PTPRD: variants seen among roughly 807,000 people sequenced by gnomAD.
PTPRD encodes receptor-type tyrosine-protein phosphatase delta.
A neutral mutation model predicts 214.5 loss-of-function variants in PTPRD; 34 were observed. The observed-to-expected ratio is 0.16, with a 90% CI of 0.12 to 0.21. PTPRD has a LOEUF of 0.21. Ranked by LOEUF, PTPRD falls within the 10% of genes least tolerant of loss-of-function variation. The probability of loss-of-function intolerance (pLI) is 1.00; values close to 1 mark genes in which losing one functional copy is unlikely to be tolerated. For missense variants in PTPRD, 2,545 were observed against 2,398.7 expected, an observed-to-expected ratio of 1.06 and a Z score of -1.27; for synonymous variants, 1,128 against 845.7, an observed-to-expected ratio of 1.33 and a Z score of -5.79.
chr9:10,126,607 T>C (rs556113505), intron 3 of PTPRD, among the ~76,000 whole-genome samples: 1 of 152,278 alleles, frequency 6.6e-6, no homozygotes, highest in East Asian at 1.9e-4. Context: ...CCTTTACAGG[T>C]TTCTCATCAC....
intron 4 of PTPRD, among the ~76,000 whole-genome samples, chr9:10,027,948 A>G (rs993239151): frequency 2.0e-5 from 3 of 151,936 alleles, no homozygotes; most frequent in Non-Finnish European, 2.9e-5. Flanking sequence ...AGTATATTGG[A>G]TTAAGTTTTT....
intron 10 of PTPRD, among the ~76,000 whole-genome samples, chr9:9,057,359 A>G (rs2099698233): frequency 1.3e-5 from 2 of 152,158 alleles, no homozygotes; most frequent in South Asian, 4.1e-4. Flanking sequence ...ATCCAATTCA[A>G]TGCCCTCAAG....
intron 4 of PTPRD, among the ~76,000 whole-genome samples, chr9:10,032,142 C>A (rs1317927868): frequency 2.0e-5 from 3 of 152,112 alleles, no homozygotes; most frequent in African/African-American, 7.2e-5. Context: ...AGGAAGTTAT[C>A]TGATACACTG....
intron 4 of PTPRD, among the ~76,000 whole-genome samples, chr9:10,006,702 G>A (rs2096484521): frequency 6.6e-6 from 1 of 151,806 alleles, no homozygotes; most frequent in Admixed American, 6.6e-5. Context: ...TGATTAGGTA[G>A]GATTTCTTCT....
At chr9:10,392,222 T>G (rs777738565) in intron 2 of PTPRD, among the ~76,000 whole-genome samples, 1 of 151,986 alleles carries the variant, frequency 6.6e-6, no homozygotes, top group Non-Finnish European at 1.5e-5. Flanking sequence ...TAATCATGCA[T>G]AATGTATGTA....
At chr9:9,280,737 T>C (rs1352797766) in intron 9 of PTPRD, among the ~76,000 whole-genome samples, 2 of 151,322 alleles carry the variant, frequency 1.3e-5, no homozygotes, top group Non-Finnish European at 3.0e-5. Flanking sequence ...ACAATCCTAA[T>C]AAAAATCTCA....
chr9:9,525,944 T>C (rs1004149627), intron 8 of PTPRD, among the ~76,000 whole-genome samples: 5 of 152,158 alleles, frequency 3.3e-5, no homozygotes, highest in African/African-American at 1.2e-4. Flanking sequence ...GAAATCCTCA[T>C]ATGTTCCTTT....
intron 11 of PTPRD, among the ~76,000 whole-genome samples, chr9:8,806,654 T>C (rs1164956936): frequency 6.6e-6 from 1 of 152,244 alleles, no homozygotes; most frequent in Non-Finnish European, 1.5e-5. Flanking sequence ...TTTAATTTCA[T>C]ACCTTGGCTG....
At chr9:8,890,919 G>A (rs999394460) in intron 11 of PTPRD, among the ~76,000 whole-genome samples, 3 of 152,142 alleles carry the variant, frequency 2.0e-5, no homozygotes, top group Non-Finnish European at 4.4e-5. Context: ...GGGCAAAAGA[G>A]GCCTTTTCAG....
intron 10 of PTPRD, among the ~76,000 whole-genome samples, chr9:9,082,173 G>C (rs988866534): frequency 6.6e-6 from 1 of 151,762 alleles, no homozygotes; most frequent in Admixed American, 6.6e-5. Context: ...GAAAATTTCA[G>C]GCCACCCCAA....
intron 10 of PTPRD, among the ~76,000 whole-genome samples, chr9:9,055,903 T>C (rs1198184241): frequency 6.6e-6 from 1 of 151,846 alleles, no homozygotes; most frequent in Non-Finnish European, 1.5e-5. Flanking sequence ...TAGTCTGGTA[T>C]TCTCAATGAG....
At chr9:8,584,493 CTTA>C (rs1171029368) in intron 14 of PTPRD, among the ~76,000 whole-genome samples, 3 of 151,702 alleles carry the variant, frequency 2.0e-5, no homozygotes, top group African/African-American at 7.3e-5. Context: ...TATGTTTTTA[CTTA>C]TTATGCCATT....
intron 27 of PTPRD, among the ~76,000 whole-genome samples, chr9:8,490,223 A>G (rs2097123185): frequency 6.6e-6 from 1 of 152,212 alleles, no homozygotes; most frequent in Non-Finnish European, 1.5e-5. Flanking sequence ...GTTACAAAGT[A>G]AATAACTCTA....
chr9:8,650,016 C>T (rs1313427561), intron 12 of PTPRD, among the ~76,000 whole-genome samples: 1 of 152,068 alleles, frequency 6.6e-6, no homozygotes, highest in Non-Finnish European at 1.5e-5. Context: ...CTCCTGGGCT[C>T]AAGCCATCCT....
intron 12 of PTPRD, among the ~76,000 whole-genome samples, chr9:8,706,972 G>T (rs1316616038): frequency 6.6e-6 from 1 of 152,100 alleles, no homozygotes; most frequent in Non-Finnish European, 1.5e-5. Context: ...AGTTCTTATG[G>T]GATCAAACAG....
chr9:10,595,542 C>T (rs904732041), intron 2 of PTPRD, among the ~76,000 whole-genome samples: 1 of 151,208 alleles, frequency 6.6e-6, no homozygotes, highest in Non-Finnish European at 1.5e-5. Flanking sequence ...TTCTTTTTGG[C>T]GGCTCATTTT....
chr9:8,942,475 C>A (rs905944622), intron 11 of PTPRD, among the ~76,000 whole-genome samples: 1 of 152,104 alleles, frequency 6.6e-6, no homozygotes, highest in African/African-American at 2.4e-5. Flanking sequence ...ACTGGACTTG[C>A]AGTTAGTGAT....
At chr9:10,579,577 A>G (rs1220306143) in intron 2 of PTPRD, among the ~76,000 whole-genome samples, 1 of 152,214 alleles carries the variant, frequency 6.6e-6, no homozygotes, top group Non-Finnish European at 1.5e-5. Context: ...TGATTAACAT[A>G]TAAGCGCATG....
At chr9:9,452,357 T>C (rs1390354473) in intron 8 of PTPRD, among the ~76,000 whole-genome samples, 2 of 151,532 alleles carry the variant, frequency 1.3e-5, no homozygotes, top group Non-Finnish European at 3.0e-5. Context: ...TTACTACCAA[T>C]CATTTCTCAC....
Sources: allele counts gnomAD v4.1 joint callset (sites outside exome capture counted in the v4.1 genomes callset), GRCh38; gene constraint gnomAD v4.1.1; transcripts MANE v1.5; gene names NCBI Gene and HGNC (gene_info 2026-07-23, HGNC 2026-07-21).